Variants in KCNC1 observed in about 807,000 individuals in gnomAD.
KCNC1 encodes the protein voltage-gated potassium channel KCNC1.
In KCNC1, 8 loss-of-function variants were observed where a neutral mutation model predicts 43.4. The ratio of observed to expected loss-of-function variants is 0.18; its 90% confidence interval spans 0.11 to 0.33. The LOEUF (loss-of-function observed/expected upper bound fraction) is 0.33. KCNC1 is among the 10% of genes least tolerant of loss of function. KCNC1 has a pLI of 1.00. For missense variants in KCNC1, 420 were observed against 836.0 expected, an observed-to-expected ratio of 0.50 and a Z score of 6.14; for synonymous variants, 361 against 360.5, an observed-to-expected ratio of 1.00 and a Z score of -0.01.
chr11:17,747,073 T>C (rs1405432798), intron 1 of KCNC1, among the ~76,000 whole-genome samples: 1 of 152,188 alleles, frequency 6.6e-6, no homozygotes, highest in African/African-American at 2.4e-5. Flanking sequence ...TTCCTTCTTT[T>C]AGCTCCTGAC....
Position 17,771,761 on chromosome 11 carries a change from G to A in KCNC1, c.667G>A (p.Glu223Lys), listed in dbSNP as rs1849232122. The A allele has an allele frequency of 6.2e-7, 1 of 1,614,124 alleles. No homozygotes were observed. The highest frequency in any genetic ancestry group is 8.5e-7 in the Non-Finnish European group (1 of 1,180,040). ...ERFNPIVNKT[E>K]IENVRNGTQV... is the part of the protein sequence containing the mutation. ...CTTCAACCCCATCGTGAACAAGACG[G>A]AGATCGAGAACGTTCGCAATGGCAC... Residue 223 changes from glutamate to lysine, a missense_variant, in exon 2 of 4, where the codon GAG becomes AAG. By Grantham distance (56) the Glu-to-Lys change is moderately conservative. This residue lies in a region of KCNC1 where 151 missense variants were observed against 216.7 expected (regional missense o/e 0.70). Coordinates refer to ENST00000265969, the MANE Select transcript of KCNC1 (RefSeq NM_001112741.2). The surrounding 1 kb of genome is among the most constrained non-coding windows in gnomAD (Gnocchi z 4.7).
chr11:17,769,813 T>A (rs763037379), intron 1 of KCNC1, among the ~76,000 whole-genome samples: 1 of 152,018 alleles, frequency 6.6e-6, no homozygotes, highest in Non-Finnish European at 1.5e-5. Context: ...TTTCTGAAAA[T>A]CGCACAATGC....
chr11:17,747,647 T>A (rs942031371), intron 1 of KCNC1, among the ~76,000 whole-genome samples: 1 of 152,114 alleles, frequency 6.6e-6, no homozygotes, highest in African/African-American at 2.4e-5. Context: ...GGGGACGAGC[T>A]AATATTAGCT....
intron 1 of KCNC1, among the ~76,000 whole-genome samples, chr11:17,746,895 A>T (rs1471686917): frequency 6.6e-6 from 1 of 152,116 alleles, no homozygotes; most frequent in Non-Finnish European, 1.5e-5. Flanking sequence ...GCCTCAAAAG[A>T]GGGGTATTGA....
Position 17,773,962 on chromosome 11 carries a change from C to G in KCNC1, c.1504+1364C>G. 1.0e-6 allele frequency: 1 copy of G among 985,526 alleles called. No homozygotes were observed. The allele number at this position is 985,526 out of a possible 1,614,324, so 61.0% of individuals were successfully genotyped here. ...TTCCCCCTGGTTTGGGTGGCCTCCC[C>G]CAGTGGATGATTGATTTTCTTCCCT... On this transcript the variant is annotated intron_variant, in intron 2 of 3. Coordinates refer to ENST00000265969, the MANE Select transcript of KCNC1 (RefSeq NM_001112741.2). The surrounding 1 kb of genome is among the most constrained non-coding windows in gnomAD (Gnocchi z 4.1).
At chr11:17,765,624 T>TG (rs1020835555) in intron 1 of KCNC1, among the ~76,000 whole-genome samples, 1 of 152,150 alleles carries the variant, frequency 6.6e-6, no homozygotes, top group Non-Finnish European at 1.5e-5. Flanking sequence ...TGATTTGGTT[T>TG]GGGGGGAGAA....
Position 17,779,770 on chromosome 11 carries a change from AG to A in KCNC1, c.1693+129del. 1 of 754,394 alleles carries A rather than the reference AG, an allele frequency of 1.3e-6. No individual in the cohort carries two copies. Among genetic ancestry groups the A allele is most frequent in the Non-Finnish European group, 2.0e-6 (1 of 507,544 alleles). 46.7% of individuals were successfully genotyped at this position (754,394 alleles called of 1,614,324 possible). A position where few individuals can be genotyped will look rare whatever the true frequency, so the allele number is the denominator to read the frequency against. On this transcript the variant is annotated intron_variant, in intron 3 of 3. Transcript: ENST00000265969. The surrounding 1 kb of genome is among the most constrained non-coding windows in gnomAD (Gnocchi z 7.2). ...GGCACACCGAGGGGGGCAAGGATGG[AG>A]GGAATCTCCCAGGGTCGGCCCCTGG...
At chr11:17,760,653 C>T (rs867054504) in intron 1 of KCNC1, among the ~76,000 whole-genome samples, 13 of 152,152 alleles carry the variant, frequency 8.5e-5, no homozygotes, top group South Asian at 4.1e-4. Context: ...TCGCCAGATC[C>T]GGCTACAAGG....
At chr11:17,746,535 C>T (rs1296792805) in intron 1 of KCNC1, among the ~76,000 whole-genome samples, 1 of 152,080 alleles carries the variant, frequency 6.6e-6, no homozygotes, top group Non-Finnish European at 1.5e-5. Flanking sequence ...CCATGTCCAC[C>T]TCCTTCCCTT....
At chr11:17,758,779 T>C (rs887456922) in intron 1 of KCNC1, among the ~76,000 whole-genome samples, 1 of 152,230 alleles carries the variant, frequency 6.6e-6, no homozygotes, top group East Asian at 1.9e-4. Flanking sequence ...TAAACCATGC[T>C]ATAAATAGAT....
At position 17,776,478 on chromosome 11, in the gene KCNC1, G is replaced by T; in HGVS notation, c.1505-2978G>T. On this transcript the variant is annotated intron_variant, in intron 2 of 3. Transcript: ENST00000265969. The surrounding 1 kb of genome is among the most constrained non-coding windows in gnomAD (Gnocchi z 4.4). ...CCTGGAGACCAGGGCAGAAAAGCCAGCTGTGCTGACTGAGGGCCCAGCCTC... is the reference window on the plus strand; with the variant it reads ...CCTGGAGACCAGGGCAGAAAAGCCATCTGTGCTGACTGAGGGCCCAGCCTC... The T allele has an allele frequency of 1.0e-6, 1 of 985,486 alleles. No homozygotes were observed. The highest frequency in any genetic ancestry group is 6.1e-5 in the Admixed American group (1 of 16,298). The allele number at this position is 985,486 out of a possible 1,614,324, so 61.0% of individuals were successfully genotyped here.
At chr11:17,746,809 A>C (rs984990876) in intron 1 of KCNC1, among the ~76,000 whole-genome samples, 1 of 152,082 alleles carries the variant, frequency 6.6e-6, no homozygotes, top group Non-Finnish European at 1.5e-5. Context: ...CCCTTGAACC[A>C]TCAGGCCTTC....
Position 17,773,777 on chromosome 11 carries a change from A to G in KCNC1, c.1504+1179A>G. 1 of 985,492 alleles carries G rather than the reference A, an allele frequency of 1.0e-6. No individual in the cohort carries two copies. The highest frequency in any genetic ancestry group is 1.2e-6 in the Non-Finnish European group (1 of 829,954). 61.0% of individuals were successfully genotyped at this position (985,492 alleles called of 1,614,324 possible). On this transcript the variant is annotated intron_variant, in intron 2 of 3. Transcript: ENST00000265969. The surrounding 1 kb of genome is among the most constrained non-coding windows in gnomAD (Gnocchi z 4.1). ...TTATTCTGTGGACACAGGGATTTCA[A>G]AGGAACAGATGACCCAGAGAAGAAT... is the stretch of plus-strand genomic sequence containing the variant.
chr11:17,763,345 A>G (rs1849099273), intron 1 of KCNC1, among the ~76,000 whole-genome samples: 1 of 151,994 alleles, frequency 6.6e-6, no homozygotes, highest in Admixed American at 6.5e-5. Context: ...GGGCTAATGA[A>G]GGAGTGACCA....
At position 17,735,822 on chromosome 11, in the gene KCNC1, C is replaced by A. The variant is rs1848757922; in HGVS notation, c.-181C>A. 3.2e-6 allele frequency: 2 copies of A among 630,864 alleles called. No individual in the cohort carries two copies. Among genetic ancestry groups the A allele is most frequent in the Admixed American group, 4.1e-5 (1 of 24,346 alleles). The allele number at this position is 630,864 out of a possible 1,614,324, so 39.1% of individuals were successfully genotyped here. A position where few individuals can be genotyped will look rare whatever the true frequency, so the allele number is the denominator to read the frequency against. ...CACATTCCCCTGGACCGGCACCCGA[C>A]AAAGCGCCCGGAGAGGCTTGGCTCG... On this transcript the variant is annotated 5_prime_UTR_variant, in exon 1 of 4. Coordinates refer to ENST00000265969, the MANE Select transcript of KCNC1 (RefSeq NM_001112741.2). The surrounding 1 kb of genome is among the most constrained non-coding windows in gnomAD (Gnocchi z 6.7).
Position 17,776,478 on chromosome 11 carries a change from G to C in KCNC1, c.1505-2978G>C, listed in dbSNP as rs888038606. ...CCTGGAGACCAGGGCAGAAAAGCCA[G>C]CTGTGCTGACTGAGGGCCCAGCCTC... On this transcript the variant is annotated intron_variant, in intron 2 of 3. Transcript: ENST00000265969. The surrounding 1 kb of genome is among the most constrained non-coding windows in gnomAD (Gnocchi z 4.4). The C allele has an allele frequency of 2.0e-6, 2 of 985,486 alleles. No homozygotes were observed. The highest frequency in any genetic ancestry group is 9.4e-5 in the South Asian group (2 of 21,284). 61.0% of individuals were successfully genotyped at this position (985,486 alleles called of 1,614,324 possible).
At chr11:17,756,291 T>A (rs1204860041) in intron 1 of KCNC1, among the ~76,000 whole-genome samples, 1 of 152,128 alleles carries the variant, frequency 6.6e-6, no homozygotes, top group Non-Finnish European at 1.5e-5. Context: ...TCAGCTCACA[T>A]AGGTACATAT....
At chr11:17,775,281 T>TGGC in intron 2 of KCNC1, 2 of 935,824 alleles carry the variant, frequency 2.1e-6, no homozygotes, top group Non-Finnish European at 2.5e-6. Context: ...TCTGAGGGCA[T>TGGC]CCCTCCCGCC....
At chr11:17,775,052 T>C in intron 2 of KCNC1, 1 of 985,252 alleles carries the variant, frequency 1.0e-6, no homozygotes, top group Non-Finnish European at 1.2e-6. Context: ...TAGATGGGCA[T>C]AGGGTTGGGG....
Sources: allele counts gnomAD v4.1 joint callset (sites outside exome capture counted in the v4.1 genomes callset), GRCh38; gene constraint gnomAD v4.1.1; regional missense constraint gnomAD v4.1.1; non-coding constraint Gnocchi (gnomAD v3.1); transcripts MANE v1.5; gene names NCBI Gene and HGNC (gene_info 2026-07-23, HGNC 2026-07-21).